The following ARHGAP23 variants were observed in gnomAD, a reference collection of about 807,000 sequenced individuals.
ARHGAP23 encodes Rho GTPase activating protein 23.
Under a neutral mutation model 136.3 loss-of-function variants are expected in ARHGAP23, and 34 were observed. That is an observed-to-expected ratio of 0.25 (90% CI 0.19 to 0.33). The LOEUF is 0.33. Ranked by LOEUF, ARHGAP23 falls within the 10% of genes least tolerant of loss-of-function variation. The probability of loss-of-function intolerance (pLI) is 1.00; values close to 1 mark genes in which losing one functional copy is unlikely to be tolerated. For missense variants in ARHGAP23, 1,808 were observed against 2,139.0 expected, an observed-to-expected ratio of 0.85 and a Z score of 3.05; for synonymous variants, 832 against 920.5, an observed-to-expected ratio of 0.90 and a Z score of 1.74.
chr17:38,509,474 G>C (rs2040705787), intron 23 of ARHGAP23, among the ~76,000 whole-genome samples: 1 of 152,174 alleles, frequency 6.6e-6, no homozygotes, highest in South Asian at 2.1e-4. Flanking sequence ...AGGTTTCCAG[G>C]TGGCAGCGGG....
At chr17:38,471,624 C>T (rs566132206) in intron 10 of ARHGAP23, among the ~76,000 whole-genome samples, 2 of 152,308 alleles carry the variant, frequency 1.3e-5, no homozygotes, top group East Asian at 1.9e-4. Flanking sequence ...TGTGGTGAGG[C>T]GTGTGGTCTG....
intron 1 of ARHGAP23, among the ~76,000 whole-genome samples, chr17:38,445,800 A>T (rs2039019199): frequency 6.6e-6 from 1 of 151,528 alleles, no homozygotes; most frequent in Non-Finnish European, 1.5e-5. Context: ...ACGCTCTGCT[A>T]TTTTTTTATT....
intron 20 of ARHGAP23, among the ~76,000 whole-genome samples, chr17:38,496,414 C>T (rs962586877): frequency 6.6e-6 from 1 of 152,016 alleles, no homozygotes; most frequent in Non-Finnish European, 1.5e-5. Context: ...TTCAAGGGTA[C>T]AGTGAGCTAG....
chr17:38,496,038 C>T (rs2040384215), intron 20 of ARHGAP23, among the ~76,000 whole-genome samples: 1 of 152,108 alleles, frequency 6.6e-6, no homozygotes, highest in Non-Finnish European at 1.5e-5. Context: ...GCTGGGATTA[C>T]AGGTGCGCAC....
At chr17:38,435,354 A>G (rs114060392) in intron 1 of ARHGAP23, among the ~76,000 whole-genome samples, 1,704 of 152,276 alleles carry the variant, frequency 0.011, 28 homozygotes, top group African/African-American at 0.039. Flanking sequence ...AGAAGTGCCC[A>G]GAGTCCCTTC....
In ARHGAP23 at chr17:38,438,759, G is replaced by A. The variant is rs527385547; in HGVS notation, c.63+10211G>A. Among the ~76,000 whole-genome samples, 5 of 152,120 alleles carry A rather than the reference G, an allele frequency of 3.3e-5. No homozygotes were observed. The South Asian group carries it at 8.3e-4, about 25-fold the overall frequency. On this transcript the variant is annotated intron_variant, in intron 1 of 23. Transcript: ENST00000622683. Reference sequence around the variant, plus strand: ...AGCACTTTGGGAGGCTGAGGTGGGCGGATCATCTGAGGTCGGGAGTTTGAG... The same window carrying A: ...AGCACTTTGGGAGGCTGAGGTGGGCAGATCATCTGAGGTCGGGAGTTTGAG...
intron 2 of ARHGAP23, 98 bp from the exon 3 acceptor site, chr17:38,460,807 T>A (rs2039441687): frequency 5.2e-6 from 8 of 1,534,806 alleles, no homozygotes; most frequent in South Asian, 3.6e-5. Context: ...AGATAAGGGG[T>A]GGCGGGAACC....
At chr17:38,461,861 C>T (rs1233139704) in intron 3 of ARHGAP23, among the ~76,000 whole-genome samples, 2 of 152,152 alleles carry the variant, frequency 1.3e-5, no homozygotes, top group Non-Finnish European at 2.9e-5. Flanking sequence ...TTTCCTCTGT[C>T]TCGTGACTTG....
chr17:38,426,987 C>A (rs574003894), upstream of ARHGAP23, among the ~76,000 whole-genome samples: 12 of 152,182 alleles, frequency 7.9e-5, no homozygotes, highest in African/African-American at 2.9e-4. Flanking sequence ...GCTTTCACTG[C>A]CTCCTCTCTC....
intron 23 of ARHGAP23, among the ~76,000 whole-genome samples, chr17:38,507,459 G>A (rs2040660275): frequency 6.6e-6 from 1 of 151,990 alleles, no homozygotes; most frequent in Non-Finnish European, 1.5e-5. Flanking sequence ...TGTCACTTCC[G>A]TCCATTGCTC....
rs1234068387 is a variant in ARHGAP23 at position 38,486,097 on chromosome 17, C to T, written c.2943C>T (p.Leu981=). The part of the protein sequence containing the change: ...WQDLNVISSL[L]KSFFRKLPEP... ...ACCTCAATGTGATCAGCAGCCTGCT[C>T]AAGTCCTTCTTCCGAAAGCTGCCCG... Residue 981 remains leucine, a synonymous_variant, in exon 17 of 24, where the codon CTC becomes CTT. Transcript: ENST00000622683. The T allele has an allele frequency of 6.4e-7, 1 of 1,551,426 alleles. No homozygotes were observed. The highest frequency in any genetic ancestry group is 8.7e-7 in the Non-Finnish European group (1 of 1,146,802).
intron 20 of ARHGAP23, chr17:38,491,795 G>A (rs1329038197): frequency 2.0e-6 from 1 of 503,538 alleles, no homozygotes; most frequent in Non-Finnish European, 3.5e-6. Context: ...CTTCCGAGAT[G>A]CCTGGGAAAG....
chr17:38,489,361 T>TC (rs1444139444), intron 17 of ARHGAP23, among the ~76,000 whole-genome samples: 2 of 146,220 alleles, frequency 1.4e-5, no homozygotes, highest in Admixed American at 6.9e-5. Context: ...CTAGAAATGA[T>TC]CCCCCCGCCC....
rs1326808955 is a variant in ARHGAP23 at position 38,510,254 on chromosome 17, T to C, written c.3758T>C (p.Leu1253Pro). Residue 1253 changes from leucine to proline, a missense_variant, in exon 24 of 24, where the codon CTG (leucine) becomes CCG (proline). By Grantham distance (98) the Leu-to-Pro change is moderately conservative. Around this residue, in one of 7 missense-constraint regions of ARHGAP23, gnomAD observed 506 missense variants for 455.8 expected, o/e 1.11. Transcript: ENST00000622683. The surrounding 1 kb of genome is among the most constrained non-coding windows in gnomAD (Gnocchi z 4.6). ...TRSIVSGYSTLSTMDRSVCSG... is the reference protein window; with the variant it reads ...TRSIVSGYSTPSTMDRSVCSG... ...TCCATTGTGTCGGGCTACTCCACCC[T>C]GTCCACCATGGACCGCAGCGTGTGC... is the stretch of plus-strand genomic sequence containing the variant. 1.5e-6 allele frequency: 2 copies of C among 1,348,452 alleles called. No homozygotes were observed. Among genetic ancestry groups the C allele is most frequent in the Non-Finnish European group, 1.9e-6 (2 of 1,051,754 alleles). 83.5% of individuals were successfully genotyped at this position (1,348,452 alleles called of 1,614,324 possible). A position where few individuals can be genotyped will look rare whatever the true frequency, so the allele number is the denominator to read the frequency against.
In ARHGAP23 at chr17:38,469,562, G is replaced by A. The variant is rs1263011023; in HGVS notation, c.1843G>A (p.Ala615Thr). 6.5e-7 allele frequency: 1 copy of A among 1,548,628 alleles called. No individual in the cohort carries two copies. The highest frequency in any genetic ancestry group is 2.0e-5 in the Admixed American group (1 of 50,974). Reference sequence around the variant, plus strand: ...TGGCCGCCGCTCCTCCTACCTGCTGGCCATCACCACGGAGCGCTCCAAGTC... The same window carrying A: ...TGGCCGCCGCTCCTCCTACCTGCTGACCATCACCACGGAGCGCTCCAAGTC... ...KAGRRSSYLL[A>T]ITTERSKSCD... Residue 615 changes from alanine (A) to threonine (T), a missense_variant, in exon 9 of 24, where the codon GCC becomes ACC. Ala to Thr is a moderately conservative substitution (Grantham distance 58, BLOSUM62 0). Transcript: ENST00000622683.
upstream of ARHGAP23, among the ~76,000 whole-genome samples, chr17:38,425,270 C>G (rs1430580412): frequency 6.6e-6 from 1 of 152,172 alleles, no homozygotes; most frequent in Non-Finnish European, 1.5e-5. Flanking sequence ...GGAGCCTGCT[C>G]TCTCTCCTGC....
At chr17:38,427,392 G>A (rs1360388598), upstream of ARHGAP23, among the ~76,000 whole-genome samples, 1 of 152,074 alleles carries the variant, frequency 6.6e-6, no homozygotes, top group African/African-American at 2.4e-5. Flanking sequence ...TTGAACCTGG[G>A]GGCAGAGGTT....
Position 38,467,113 on chromosome 17 carries a change from C to T in ARHGAP23, c.1430C>T (p.Ala477Val). 6.5e-7 allele frequency: 1 copy of T among 1,550,382 alleles called. No homozygotes were observed. Among genetic ancestry groups the T allele is most frequent in the Non-Finnish European group, 8.7e-7 (1 of 1,146,712 alleles). Residue 477 changes from alanine to valine, a missense_variant, in exon 7 of 24, where the codon GCC becomes GTC. Coordinates refer to ENST00000622683, the MANE Select transcript of ARHGAP23 (RefSeq NM_001199417.2). ...GTACGGCCGGAACCCAGCACCCGGGCCCTGGAGCCTCCTGCGGAGGATCGC... is the reference window on the plus strand; with the variant it reads ...GTACGGCCGGAACCCAGCACCCGGGTCCTGGAGCCTCCTGCGGAGGATCGC... ...RVVRPEPSTR[A>V]LEPPAEDRGD...
intron 11 of ARHGAP23, among the ~76,000 whole-genome samples, chr17:38,473,448 C>A: frequency 6.6e-6 from 1 of 152,148 alleles, no homozygotes. Flanking sequence ...TATCCTACCC[C>A]AAGGGCTGCT....
Sources: gnomAD v4.1 joint callset for allele counts (sites outside exome capture counted in the v4.1 genomes callset) on GRCh38, gnomAD v4.1.1 for gene constraint, gnomAD v4.1.1 regional missense constraint, Gnocchi (gnomAD v3.1) non-coding constraint, MANE v1.5 for transcripts, NCBI Gene and HGNC (gene_info 2026-07-23, HGNC 2026-07-21) for gene names.